QRFPR: variants seen among roughly 807,000 people sequenced by gnomAD.
The protein encoded by QRFPR is pyroglutamylated RFamide peptide receptor.
Under a neutral mutation model 31.3 loss-of-function variants are expected in QRFPR, and 37 were observed. The observed-to-expected ratio is 1.18, with a 90% CI of 0.91 to 1.56. The LOEUF (loss-of-function observed/expected upper bound fraction) is 1.56, where lower values mean the gene tolerates loss of function less well. QRFPR is among the 40% of genes most tolerant of loss of function. The pLI, the probability that QRFPR is intolerant of heterozygous loss-of-function variation, is 0.00. For missense variants in QRFPR, 542 were observed against 532.5 expected (o/e 1.02, Z -0.18); for synonymous variants, 197 against 192.0 (o/e 1.03, Z -0.22).
In QRFPR at chr4:121,380,748, C is replaced by G; in HGVS notation, c.-101G>C. Reference sequence around the variant, plus strand: ...TCGGGGGACCAGCCGGAGGCCGCCTCCCTTCCTCTACTCTGGAGTCAGCCG... The same window carrying G: ...TCGGGGGACCAGCCGGAGGCCGCCTGCCTTCCTCTACTCTGGAGTCAGCCG... On this transcript the variant is annotated 5_prime_UTR_variant, in exon 1 of 6. Transcript: ENST00000394427. The G allele has an allele frequency of 1.8e-6, 2 of 1,142,622 alleles. No homozygotes were observed. Among genetic ancestry groups the G allele is most frequent in the South Asian group, 1.6e-5 (1 of 61,608 alleles). The allele number at this position is 1,142,622 out of a possible 1,614,324, so 70.8% of individuals were successfully genotyped here.
At chr4:121,358,598 G>A (rs1401005227) in intron 1 of QRFPR, among the ~76,000 whole-genome samples, 3 of 151,848 alleles carry the variant, frequency 2.0e-5, no homozygotes, top group African/African-American at 4.8e-5. Flanking sequence ...AGAATAGTTG[G>A]GGGAAGGGAA....
intron 1 of QRFPR, among the ~76,000 whole-genome samples, chr4:121,343,330 A>G (rs1281748200): frequency 6.6e-6 from 1 of 152,166 alleles, no homozygotes; most frequent in Non-Finnish European, 1.5e-5. Context: ...TAAGGGGAAA[A>G]ATGTACTTAG....
intron 1 of QRFPR, among the ~76,000 whole-genome samples, chr4:121,375,131 A>G (rs573573459): frequency 6.6e-6 from 1 of 152,160 alleles, no homozygotes; most frequent in Admixed American, 6.5e-5. Context: ...ATTAGAACTG[A>G]TTTTCTGTCT....
intron 3 of QRFPR, chr4:121,334,619 C>A: frequency 2.6e-6 from 1 of 389,546 alleles, no homozygotes; most frequent in Non-Finnish European, 5.2e-6. Context: ...CAGGGTAAAG[C>A]CTGGCAGAGA....
At chr4:121,352,818 A>G (rs1310010827) in intron 1 of QRFPR, among the ~76,000 whole-genome samples, 3 of 151,980 alleles carry the variant, frequency 2.0e-5, no homozygotes, top group Non-Finnish European at 4.4e-5. Flanking sequence ...ACTACATTTT[A>G]TTCATTCTAT....
chr4:121,329,100 A>T lies in QRFPR; in HGVS notation c.*214T>A. On this transcript the variant is annotated 3_prime_UTR_variant, in exon 6 of 6. Transcript: ENST00000394427. ...CTAGTCAAGTGAAGCAGTGGGAATG[A>T]GAAGGAACACAGAAATCTGTTAAAT... The T allele has an allele frequency of 2.3e-6, 1 of 443,998 alleles. No homozygotes were observed. Among genetic ancestry groups the T allele is most frequent in the Non-Finnish European group, 3.9e-6 (1 of 255,666 alleles). 27.5% of individuals were successfully genotyped at this position (443,998 alleles called of 1,614,324 possible). A position where few individuals can be genotyped will look rare whatever the true frequency, so the allele number is the denominator to read the frequency against.
At chr4:121,331,702 G>T (rs932813065) in intron 4 of QRFPR, among the ~76,000 whole-genome samples, 3 of 150,948 alleles carry the variant, frequency 2.0e-5, no homozygotes, top group Non-Finnish European at 4.4e-5. Context: ...ACCCAGACTA[G>T]AGTGCAGTGG....
In QRFPR at chr4:121,351,563, T is replaced by C. The variant is rs1462987337; in HGVS notation, c.341-10953A>G. Among the ~76,000 whole-genome samples the C allele has an allele frequency of 5.9e-5, 9 of 152,148 alleles. No individual in the cohort carries two copies. The East Asian group carries it at 1.7e-3, about 29-fold the overall frequency. On this transcript the variant is annotated intron_variant, in intron 1 of 5. Coordinates refer to ENST00000394427, the MANE Select transcript of QRFPR (RefSeq NM_198179.3). Reference sequence around the variant, plus strand: ...GAGCCTGGGTTAAACATTAGGACAGTAAAGCAGAAATCAGAAATAATGGGG... The same window carrying C: ...GAGCCTGGGTTAAACATTAGGACAGCAAAGCAGAAATCAGAAATAATGGGG...
chr4:121,369,746 G>T, intron 1 of QRFPR: 1 of 1,601,992 alleles, frequency 6.2e-7, no homozygotes, highest in East Asian at 2.2e-5. Flanking sequence ...ATTTGGGCCA[G>T]GTAAGGCTGT....
intron 2 of QRFPR, among the ~76,000 whole-genome samples, chr4:121,337,476 C>T (rs871646): frequency 0.33 from 50,623 of 152,094 alleles, 8,945 homozygotes; most frequent in Middle Eastern, 0.48. Context: ...AAAGCAAACA[C>T]AATGCCATTT....
intron 1 of QRFPR, among the ~76,000 whole-genome samples, chr4:121,374,730 C>T (rs897475309): frequency 2.0e-5 from 3 of 152,330 alleles, no homozygotes; most frequent in Admixed American, 1.3e-4. Flanking sequence ...GAGGAATTCT[C>T]ATATCAGCTG....
Position 121,380,650 on chromosome 4 carries a change from CT to C in QRFPR, c.-4del. 1 of 1,518,016 alleles carries C rather than the reference CT, an allele frequency of 6.6e-7. No individual in the cohort carries two copies. The highest frequency in any genetic ancestry group is 1.3e-5 in the South Asian group (1 of 77,504). 94.0% of individuals were successfully genotyped at this position (1,518,016 alleles called of 1,614,324 possible). ...GGGGTAATGTTAAGCGCCTGCATTG[CT>C]GTGCGCTCCCGGGACGCGGGGCCAC... On this transcript the variant is annotated 5_prime_UTR_variant, in exon 1 of 6. Coordinates refer to ENST00000394427, the MANE Select transcript of QRFPR (RefSeq NM_198179.3).
intron 1 of QRFPR, among the ~76,000 whole-genome samples, chr4:121,371,865 C>T (rs1052425680): frequency 2.0e-5 from 3 of 152,166 alleles, no homozygotes; most frequent in Admixed American, 2.0e-4. Flanking sequence ...TCCATTGATT[C>T]AGTTAGTAAG....
intron 1 of QRFPR, among the ~76,000 whole-genome samples, chr4:121,342,333 G>A (rs12507514): frequency 0.16 from 23,778 of 152,094 alleles, 2,758 homozygotes; most frequent in East Asian, 0.53. Context: ...CATCTAGGTG[G>A]CAGATAGTGG....
chr4:121,334,690 G>A (rs1489053839), intron 3 of QRFPR: 2 of 312,958 alleles, frequency 6.4e-6, no homozygotes, highest in Non-Finnish European at 1.3e-5. Context: ...ACAGTAAGGA[G>A]GCAGGAGCAA....
intron 1 of QRFPR, among the ~76,000 whole-genome samples, chr4:121,365,610 TATTATATATATTATATATTA>T (rs1560744139): frequency 0.15 from 1,509 of 10,344 alleles, 156 homozygotes; most frequent in Non-Finnish European, 0.18. Flanking sequence ...ATAATATATA[TATTATATATATTATATATTA>T]TATATATATT....
At chr4:121,359,763 A>G (rs549396538) in intron 1 of QRFPR, among the ~76,000 whole-genome samples, 4 of 146,902 alleles carry the variant, frequency 2.7e-5, no homozygotes, top group African/African-American at 7.5e-5. Context: ...ATGGGAGTGT[A>G]TATATATATA....
intron 1 of QRFPR, among the ~76,000 whole-genome samples, chr4:121,368,543 C>T (rs1726169690): frequency 1.3e-5 from 2 of 150,354 alleles, no homozygotes; most frequent in South Asian, 4.2e-4. Flanking sequence ...GGTTGCAGGA[C>T]AGTGATCCAT....
In QRFPR at chr4:121,328,802, C is replaced by A. The variant is rs1171536999; in HGVS notation, c.*512G>T. On this transcript the variant is annotated 3_prime_UTR_variant, in exon 6 of 6. Coordinates refer to ENST00000394427, the MANE Select transcript of QRFPR (RefSeq NM_198179.3). ...GGGGAGTCTCGCTCTTTCGCCCAGG[C>A]TGGAGTGCAGTGGCATGATCTCGGA... Among the ~76,000 whole-genome samples the A allele has an allele frequency of 6.6e-6, 1 of 152,136 alleles. No homozygotes were observed. Among genetic ancestry groups the A allele is most frequent in the Non-Finnish European group, 1.5e-5 (1 of 68,032 alleles).
Sources: gnomAD v4.1 joint callset for allele counts (sites outside exome capture counted in the v4.1 genomes callset) on GRCh38, gnomAD v4.1.1 for gene constraint, MANE v1.5 for transcripts, NCBI Gene and HGNC (gene_info 2026-07-23, HGNC 2026-07-21) for gene names.